NAGK: variants seen among roughly 807,000 people sequenced by gnomAD.
NAGK encodes N-acetylglucosamine kinase.
NAGK carries 35 observed loss-of-function variants against 42.9 expected under a neutral mutation model. That is an observed-to-expected ratio of 0.82 (90% CI 0.62 to 1.08). The LOEUF is 1.08. Ranked by LOEUF, NAGK falls within the 50% of genes least tolerant of loss-of-function variation. NAGK has a pLI of 0.00. For synonymous variants in NAGK, 172 were observed against 176.0 expected (o/e 0.98, Z 0.18); for missense variants, 446 against 446.0 (o/e 1.00, Z 0.00).
chr2:71,074,321 C>T (rs1339578329), intron 6 of NAGK, among the ~76,000 whole-genome samples: 1 of 152,028 alleles, frequency 6.6e-6, no homozygotes, highest in Non-Finnish European at 1.5e-5. Context: ...ATTATCAGGG[C>T]TGAGGGATTG....
intron 8 of NAGK, 146 bp downstream of exon 8, chr2:71,076,847 T>C (rs1672230065): frequency 2.8e-6 from 2 of 711,350 alleles, no homozygotes; most frequent in Non-Finnish European, 4.6e-6. Flanking sequence ...CTGCAGAATG[T>C]CTGTAACAAA....
chr2:71,075,454 G>A, intron 6 of NAGK, 101 bp from the exon 7 acceptor site: 1 of 832,238 alleles, frequency 1.2e-6, no homozygotes, highest in South Asian at 1.5e-5. Context: ...AATTATTCTA[G>A]CTTTTCCAAC....
At chr2:71,068,803 G>C in intron 1 of NAGK, 91 bp downstream of exon 1, 1 of 1,416,292 alleles carries the variant, frequency 7.1e-7, no homozygotes, top group Admixed American at 3.6e-5. Context: ...GATCCTCGGC[G>C]TCCGGGCACT....
chr2:71,072,257 A>C, intron 4 of NAGK: 1 of 260,172 alleles, frequency 3.8e-6, no homozygotes, highest in Non-Finnish European at 7.5e-6. Flanking sequence ...CAGTTTTCTC[A>C]TCTATAAAAT....
intron 5 of NAGK, 156 bp downstream of exon 5, chr2:71,072,907 C>A (rs1672075997): frequency 1.4e-6 from 1 of 719,630 alleles, no homozygotes. Context: ...TGACTGAGAT[C>A]ATAGAGGTGC....
chr2:71,069,886 G>T (rs540286913), intron 1 of NAGK: 1 of 158,004 alleles, frequency 6.3e-6, no homozygotes, highest in East Asian at 1.9e-4. Flanking sequence ...AGTTGCTTAA[G>T]TATGTATGAA....
At chr2:71,068,473 G>A (rs1043116825), upstream of NAGK, 3 of 1,407,432 alleles carry the variant, frequency 2.1e-6, no homozygotes, top group Non-Finnish European at 2.8e-6. Context: ...GCTCCACCTG[G>A]AGGAGACACC....
intron 6 of NAGK, 145 bp downstream of exon 6, chr2:71,073,739 GT>G (rs1672114652): frequency 2.7e-6 from 2 of 736,976 alleles, no homozygotes; most frequent in Admixed American, 3.8e-5. Context: ...GAAGTCATAG[GT>G]GAGGACAGGG....
rs774813675 is a variant in NAGK at position 71,068,697 on chromosome 2, A to G, written c.14A>G (p.Tyr5Cys). 3.2e-5 allele frequency: 48 copies of G among 1,514,434 alleles called. No individual in the cohort carries two copies. Among genetic ancestry groups the G allele is most frequent in the East Asian group, 5.6e-5 (2 of 35,728 alleles). 93.8% of individuals were successfully genotyped at this position (1,514,434 alleles called of 1,614,324 possible). A position where few individuals can be genotyped will look rare whatever the true frequency, so the allele number is the denominator to read the frequency against. Residue 5 changes from tyrosine to cysteine, a missense_variant, in exon 1 of 10, where the codon TAT (tyrosine) becomes TGT (cysteine). By Grantham distance (194) the Tyr-to-Cys change is radical. Transcript: ENST00000244204. MAAI[Y>C]GGVEGGGTRS... ...GGTAGCAGCAGCATGGCCGCGATCT[A>G]TGGGGGTGTAGAGGGGTGAGTGCGG...
Position 71,071,711 on chromosome 2 carries a change from A to G in NAGK, c.239A>G (p.Gln80Arg). 6.2e-7 allele frequency: 1 copy of G among 1,613,928 alleles called. No homozygotes were observed. The highest frequency in any genetic ancestry group is 8.5e-7 in the Non-Finnish European group (1 of 1,179,974). ...SLGLSLSGGD[Q>R]EDAGRILIEE... ...GGCCTATCTCTGAGCGGTGGGGACC[A>G]GGAGGACGCGGGGAGGATCCTGATC... Residue 80 changes from glutamine (Q) to arginine (R), a missense_variant, in exon 4 of 10, where the codon CAG (glutamine) becomes CGG (arginine). By Grantham distance (43) the Gln-to-Arg change is conservative (BLOSUM62 1). Transcript: ENST00000244204.
chr2:71,079,395 G>C lies in NAGK; in HGVS notation c.*887G>C, dbSNP rs1265099742. ...ACAGGAGTCTCGATCCACAATAGCT[G>C]CCTCTCCAGGTGTTTTATTAGAGGC... On this transcript the variant is annotated 3_prime_UTR_variant, in exon 10 of 10. Coordinates refer to ENST00000244204, the MANE Select transcript of NAGK (RefSeq NM_017567.6). The C allele has an allele frequency of 1.3e-5, 2 of 152,216 alleles. No individual in the cohort carries two copies. Among genetic ancestry groups the C allele is most frequent in the Non-Finnish European group, 2.9e-5 (2 of 68,040 alleles). 9.4% of individuals were successfully genotyped at this position (152,216 alleles called of 1,614,324 possible).
rs17849402 is a variant in NAGK, at chr2:71,071,745, G to A, written c.273G>A (p.Leu91=). 3 of 1,614,192 alleles carry A rather than the reference G, an allele frequency of 1.9e-6. No individual in the cohort carries two copies. The highest frequency in any genetic ancestry group is 2.2e-5 in the South Asian group (2 of 91,088). ...EDAGRILIEE[L]RDRFPYLSES... Reference sequence around the variant, plus strand: ...CGGGGAGGATCCTGATCGAGGAGCTGAGGGACCGATTTCCCTACCTGAGTG... The same window carrying A: ...CGGGGAGGATCCTGATCGAGGAGCTAAGGGACCGATTTCCCTACCTGAGTG... Residue 91 remains leucine, a synonymous_variant, in exon 4 of 10, where the codon CTG becomes CTA. Transcript: ENST00000244204.
At chr2:71,077,676 C>T (rs373659209) in intron 9 of NAGK, 40 bp downstream of exon 9, 46 of 1,570,106 alleles carry the variant, frequency 2.9e-5, no homozygotes, top group Middle Eastern at 1.7e-4. Context: ...GGGCAGGGGA[C>T]GGGGCTGGAA....
rs746846782 is a variant in NAGK, at chr2:71,070,709, T to C, written c.115-32T>C. ...GGGGCAACATAGCTTCTGTAAGCCTTTGTAACTCCTTCTTCCCTTGATTGG... is the reference window on the plus strand; with the variant it reads ...GGGGCAACATAGCTTCTGTAAGCCTCTGTAACTCCTTCTTCCCTTGATTGG... On this transcript the variant is annotated intron_variant, in intron 2 of 9. Coordinates refer to ENST00000244204, the MANE Select transcript of NAGK (RefSeq NM_017567.6). The C allele has an allele frequency of 2.5e-6, 4 of 1,613,740 alleles. No individual in the cohort carries two copies. In the South Asian group the frequency reaches 4.4e-5, roughly 18 times the overall value.
In NAGK at chr2:71,072,364, G is replaced by A. The variant is rs905141864; in HGVS notation, c.356-277G>A. On this transcript the variant is annotated intron_variant, in intron 4 of 9. Transcript: ENST00000244204. ...CCCAGTAAAGCAGGTAGAGTCACTG[G>A]AAGACCGGCTGGGCAAGGAGCCACA... is the stretch of plus-strand genomic sequence containing the variant. 23 of 440,212 alleles carry A rather than the reference G, an allele frequency of 5.2e-5. 1 individual carries two copies. In the Middle Eastern group the frequency reaches 2.6e-3, roughly 49 times the overall value. The allele number at this position is 440,212 out of a possible 1,614,324, so 27.3% of individuals were successfully genotyped here. A position where few individuals can be genotyped will look rare whatever the true frequency, so the allele number is the denominator to read the frequency against.
Position 71,078,845 on chromosome 2 carries a change from T to C in NAGK, c.*337T>C, listed in dbSNP as rs193266149. On this transcript the variant is annotated 3_prime_UTR_variant, in exon 10 of 10. Coordinates refer to ENST00000244204, the MANE Select transcript of NAGK (RefSeq NM_017567.6). ...CCTTCCCCCCATATTACCATACATA[T>C]GCACTGTGTGGCTGCCAGTTAATCT... The C allele has an allele frequency of 2.2e-4, 45 of 207,926 alleles. No individual in the cohort carries two copies. In the East Asian group the frequency reaches 4.3e-3, roughly 20 times the overall value. The allele number at this position is 207,926 out of a possible 1,614,324, so 12.9% of individuals were successfully genotyped here.
intron 1 of NAGK, chr2:71,068,949 C>A (rs1159763143): frequency 1.5e-5 from 19 of 1,271,182 alleles, no homozygotes; most frequent in Non-Finnish European, 1.9e-5. Context: ...TGTTTCTTGG[C>A]GGAACCACGC....
At chr2:71,071,071 T>A (rs1671986053) in intron 3 of NAGK, 1 of 529,524 alleles carries the variant, frequency 1.9e-6, no homozygotes, top group Admixed American at 3.1e-5. Flanking sequence ...TTGGTTTGAA[T>A]CCCAGCTTTG....
At chr2:71,073,239 G>A (rs535905139) in intron 5 of NAGK, 1 of 568,636 alleles carries the variant, frequency 1.8e-6, no homozygotes, top group East Asian at 3.0e-5. Flanking sequence ...AGGAGCTGGT[G>A]TGACACAGCC....
Sources: allele counts gnomAD v4.1 joint callset (sites outside exome capture counted in the v4.1 genomes callset), GRCh38; gene constraint gnomAD v4.1.1; transcripts MANE v1.5; gene names NCBI Gene and HGNC (gene_info 2026-07-23, HGNC 2026-07-21).